WDPCP: variants seen among roughly 807,000 people sequenced by gnomAD.
The protein encoded by WDPCP is WD repeat-containing and planar cell polarity effector protein fritz homolog.
A neutral mutation model predicts 93.1 loss-of-function variants in WDPCP; 71 were observed. That is an observed-to-expected ratio of 0.76 (90% CI 0.63 to 0.93). The LOEUF (loss-of-function observed/expected upper bound fraction) is 0.93, where lower values mean the gene tolerates loss of function less well. Ranked by LOEUF, WDPCP falls within the 40% of genes least tolerant of loss-of-function variation. The pLI, the probability that WDPCP is intolerant of heterozygous loss-of-function variation, is 0.00. For missense variants in WDPCP, 844 were observed against 887.4 expected, an observed-to-expected ratio of 0.95 and a Z score of 0.62; for synonymous variants, 315 against 315.0, an observed-to-expected ratio of 1.00 and a Z score of 0.00.
chr2:63,269,022 T>TTA (rs992531793), intron 13 of WDPCP, among the ~76,000 whole-genome samples: 2 of 152,182 alleles, frequency 1.3e-5, no homozygotes, highest in Non-Finnish European at 2.9e-5. Flanking sequence ...TGTAAGATGT[T>TTA]TAGTCTTTTT....
intron 6 of WDPCP, among the ~76,000 whole-genome samples, chr2:63,479,564 A>T (rs1365816045): frequency 6.6e-6 from 1 of 152,216 alleles, no homozygotes; most frequent in African/African-American, 2.4e-5. Flanking sequence ...ACACTGCATA[A>T]ACAGAATTAA....
chr2:63,575,428 G>T lies in WDPCP; in HGVS notation c.75+12769C>A, dbSNP rs13017184. Among the ~76,000 whole-genome samples the T allele has an allele frequency of 4.0e-4, 12 of 30,092 alleles. 2 individuals are homozygous for T. Among genetic ancestry groups the T allele is most frequent in the African/African-American group, 1.2e-3 (10 of 8,232 alleles). 19.7% of individuals were successfully genotyped at this position (30,092 alleles called of 152,430 possible). On this transcript the variant is annotated intron_variant, in intron 1 of 17. Coordinates refer to ENST00000272321, the MANE Select transcript of WDPCP (RefSeq NM_015910.7). ...ATATACAGTATATACACTGTATACAGTGTATATACAGTGTATACACTGTAT... is the reference window on the plus strand; with the variant it reads ...ATATACAGTATATACACTGTATACATTGTATATACAGTGTATACACTGTAT...
In WDPCP at chr2:63,120,944, A is replaced by G. The variant is rs1182636306; in HGVS notation, c.*1062T>C. On this transcript the variant is annotated 3_prime_UTR_variant, in exon 18 of 18. Coordinates refer to ENST00000272321, the MANE Select transcript of WDPCP (RefSeq NM_015910.7). ...TTACTAGCTAACAAGTTACCACACTATAGTTTCATGGATGCTGTTAGAAGA... is the reference window on the plus strand; with the variant it reads ...TTACTAGCTAACAAGTTACCACACTGTAGTTTCATGGATGCTGTTAGAAGA... Among the ~76,000 whole-genome samples the G allele has an allele frequency of 6.6e-6, 1 of 152,162 alleles. No individual in the cohort carries two copies. The highest frequency in any genetic ancestry group is 1.5e-5 in the Non-Finnish European group (1 of 68,022).
chr2:63,574,753 G>T (rs990546463), intron 1 of WDPCP, among the ~76,000 whole-genome samples: 2 of 152,138 alleles, frequency 1.3e-5, no homozygotes, highest in African/African-American at 4.8e-5. Context: ...TTGTCCATTT[G>T]TCTGTCATTG....
intron 14 of WDPCP, 147 bp from the exon 15 acceptor site, chr2:63,174,979 T>A: frequency 1.3e-6 from 1 of 795,570 alleles, no homozygotes; most frequent in East Asian, 2.7e-5. Flanking sequence ...TAGTTCCCTA[T>A]GACTTCTGTC....
chr2:63,683,201 C>A (rs1447531932), intron 2 of WDPCP, among the ~76,000 whole-genome samples: 1 of 151,992 alleles, frequency 6.6e-6, no homozygotes, highest in African/African-American at 2.4e-5. Context: ...CACAAAACAA[C>A]CAGAAAACAA....
intron 3 of WDPCP, among the ~76,000 whole-genome samples, chr2:63,614,599 T>C (rs1196194784): frequency 6.6e-6 from 1 of 152,110 alleles, no homozygotes; most frequent in Non-Finnish European, 1.5e-5. Context: ...CTCCCATCCT[T>C]TTTCCTCCCC....
chr2:63,381,887 A>G lies in WDPCP; in HGVS notation c.1624+19T>C, dbSNP rs765940102. 191 of 1,611,906 alleles carry G rather than the reference A, an allele frequency of 1.2e-4. 1 individual carries two copies. Among genetic ancestry groups the G allele is most frequent in the Non-Finnish European group, 2.8e-5 (33 of 1,178,666 alleles). ...ATGTATATACAAAACTCATCAATGAAAAATATTTCAAGTCTGACCTTCTCT... is the reference window on the plus strand; with the variant it reads ...ATGTATATACAAAACTCATCAATGAGAAATATTTCAAGTCTGACCTTCTCT... On this transcript the variant is annotated intron_variant, in intron 11 of 17. Coordinates refer to ENST00000272321, the MANE Select transcript of WDPCP (RefSeq NM_015910.7).
chr2:63,412,260 C>CA (rs1438241132), intron 9 of WDPCP, among the ~76,000 whole-genome samples: 4 of 152,050 alleles, frequency 2.6e-5, no homozygotes, highest in Non-Finnish European at 5.9e-5. Context: ...ACCACATAAA[C>CA]AGAATTAAAA....
At chr2:63,703,852 T>G (rs1182244299) in intron 2 of WDPCP, among the ~76,000 whole-genome samples, 1 of 152,200 alleles carries the variant, frequency 6.6e-6, no homozygotes. Context: ...CATTGGTAGC[T>G]TGATGGGGAT....
intron 13 of WDPCP, 129 bp downstream of exon 13, chr2:63,313,119 A>G: frequency 2.5e-6 from 2 of 816,152 alleles, no homozygotes; most frequent in Non-Finnish European, 4.1e-6. Context: ...CCTGCAAGTC[A>G]AGATGGAATA....
chr2:63,224,843 T>C (rs1167418632), intron 14 of WDPCP, among the ~76,000 whole-genome samples: 1 of 151,984 alleles, frequency 6.6e-6, no homozygotes, highest in African/African-American at 2.4e-5. Flanking sequence ...TCTAAACCTA[T>C]AGAATATGCA....
At chr2:63,709,057 C>CAAA (rs953764802) in intron 2 of WDPCP, among the ~76,000 whole-genome samples, 6 of 12,072 alleles carry the variant, frequency 5.0e-4, no homozygotes, top group African/African-American at 7.1e-4. Flanking sequence ...CCTGTCTCTA[C>CAAA]AAAAAAAAAA....
chr2:63,137,472 T>G (rs1325605178), intron 17 of WDPCP, among the ~76,000 whole-genome samples: 1 of 152,192 alleles, frequency 6.6e-6, no homozygotes, highest in Non-Finnish European at 1.5e-5. Context: ...ATGCATAGTT[T>G]GCAAACATTT....
chr2:63,673,042 T>G (rs537669524), intron 2 of WDPCP, among the ~76,000 whole-genome samples: 6 of 152,262 alleles, frequency 3.9e-5, no homozygotes, highest in African/African-American at 1.2e-4. Flanking sequence ...TGTGAGCCAT[T>G]GCTCTTGGCC....
chr2:63,454,055 T>C (rs1226949127), intron 6 of WDPCP, among the ~76,000 whole-genome samples: 2 of 151,502 alleles, frequency 1.3e-5, no homozygotes, highest in Admixed American at 6.6e-5. Flanking sequence ...TGGATACATA[T>C]GTAACAAACC....
intron 9 of WDPCP, among the ~76,000 whole-genome samples, chr2:63,432,268 G>T (rs1430553855): frequency 6.6e-6 from 1 of 152,144 alleles, no homozygotes; most frequent in Non-Finnish European, 1.5e-5. Context: ...ACATTGGGAA[G>T]CCTCTTCAAT....
intron 14 of WDPCP, among the ~76,000 whole-genome samples, chr2:63,188,616 G>A (rs543057619): frequency 3.9e-5 from 6 of 152,026 alleles, no homozygotes; most frequent in African/African-American, 1.4e-4. Context: ...TCAGAGGCTT[G>A]AGCCATCATG....
chr2:63,243,426 G>A (rs1439270025), intron 14 of WDPCP, among the ~76,000 whole-genome samples: 3 of 151,916 alleles, frequency 2.0e-5, no homozygotes, highest in Non-Finnish European at 2.9e-5. Flanking sequence ...TGGATATTAG[G>A]CCTTTGTTGT....
Sources: gnomAD v4.1 joint callset for allele counts (sites outside exome capture counted in the v4.1 genomes callset) on GRCh38, gnomAD v4.1.1 for gene constraint, MANE v1.5 for transcripts, NCBI Gene and HGNC (gene_info 2026-07-23, HGNC 2026-07-21) for gene names.